The following PLA2G6 variants were observed in gnomAD, a reference collection of about 807,000 sequenced individuals.
PLA2G6 encodes the protein 85/88 kDa calcium-independent phospholipase A2.
Under a neutral mutation model 83.8 loss-of-function variants are expected in PLA2G6, and 62 were observed. That is an observed-to-expected ratio of 0.74 (90% CI 0.60 to 0.91). PLA2G6 has a LOEUF of 0.91. Among genes scored for constraint, PLA2G6 ranks in the 40% least tolerant of loss-of-function variants. PLA2G6 has a pLI of 0.00. For synonymous variants in PLA2G6, 417 were observed against 449.8 expected (o/e 0.93, Z 0.92); for missense variants, 944 against 1,102.0 (o/e 0.86, Z 2.03).
At chr22:38,112,359 G>A in intron 16 of PLA2G6, 54 bp from the exon 17 acceptor site, 1 of 1,597,166 alleles carries the variant, frequency 6.3e-7, no homozygotes, top group Non-Finnish European at 8.5e-7. Flanking sequence ...CTGGGCAGGG[G>A]ACGCCAGCTA....
At chr22:38,112,655 C>T (rs1307490082) in intron 15 of PLA2G6, 78 bp from the exon 16 acceptor site, 6 of 1,238,732 alleles carry the variant, frequency 4.8e-6, no homozygotes, top group Non-Finnish European at 6.9e-6. Context: ...GCCCTGCACT[C>T]TCGGAGCCCC....
intron 1 of PLA2G6, among the ~76,000 whole-genome samples, chr22:38,175,040 C>A (rs2090581842): frequency 6.6e-6 from 1 of 152,188 alleles, no homozygotes; most frequent in Non-Finnish European, 1.5e-5. Flanking sequence ...GGACCCTGGG[C>A]AGGTCTCAGG....
intron 1 of PLA2G6, among the ~76,000 whole-genome samples, chr22:38,171,636 T>C (rs944131250): frequency 3.3e-5 from 5 of 151,974 alleles, no homozygotes; most frequent in East Asian, 1.9e-4. Context: ...CTGACCAACA[T>C]GGTGAAACTC....
At chr22:38,120,971 C>A in intron 11 of PLA2G6, 62 bp from the exon 12 acceptor site, 1 of 1,593,056 alleles carries the variant, frequency 6.3e-7, no homozygotes, top group Admixed American at 1.7e-5. Flanking sequence ...TCCCGTAGAA[C>A]AGCCTGCAGA....
chr22:38,134,697 A>G (rs1050526403), intron 6 of PLA2G6: 1 of 454,460 alleles, frequency 2.2e-6, no homozygotes, highest in Non-Finnish European at 4.0e-6. Flanking sequence ...GCACTTTACA[A>G]TTTGTGCCGA....
chr22:38,168,457 G>GC (rs1449695257), intron 2 of PLA2G6, among the ~76,000 whole-genome samples: 1 of 152,220 alleles, frequency 6.6e-6, no homozygotes, highest in Non-Finnish European at 1.5e-5. Context: ...TTCTCTTCAG[G>GC]CCCAGGGGAG....
rs777259654 is a variant in PLA2G6, at chr22:38,120,835, C to T, written c.1666G>A (p.Glu556Lys). ...DEVFRGSRPY[E>K]SGPLEEFLKR... ...AGGAACTCCTCCAGGGGCCCCGACTCGTAGGGCCTGGAGCCCCGGAACACC... is the reference window on the plus strand; with the variant it reads ...AGGAACTCCTCCAGGGGCCCCGACTTGTAGGGCCTGGAGCCCCGGAACACC... Residue 556 changes from glutamate (E) to lysine (K), a missense_variant, in exon 12 of 17, where the codon GAG becomes AAG. Glu to Lys is a moderately conservative substitution (Grantham distance 56). Transcript: ENST00000332509. 1.9e-6 allele frequency: 3 copies of T among 1,613,932 alleles called. No individual in the cohort carries two copies. Among genetic ancestry groups the T allele is most frequent in the Non-Finnish European group, 2.5e-6 (3 of 1,180,020 alleles).
At chr22:38,157,303 G>A (rs2089823228) in intron 2 of PLA2G6, among the ~76,000 whole-genome samples, 1 of 151,974 alleles carries the variant, frequency 6.6e-6, no homozygotes, top group African/African-American at 2.4e-5. Context: ...GAAACTCAAA[G>A]GATTATTAGA....
In PLA2G6 at chr22:38,115,554, A is replaced by G; in HGVS notation, c.2007T>C (p.His669=). The G allele has an allele frequency of 6.2e-7, 1 of 1,613,558 alleles. No homozygotes were observed. Among genetic ancestry groups the G allele is most frequent in the Non-Finnish European group, 8.5e-7 (1 of 1,179,922 alleles). Reference sequence around the variant, plus strand: ...TGCGGATCAGGTCCTGATTGTACTCATGGATCTCGGTCATGGCATCCAGCG... The same window carrying G: ...TGCGGATCAGGTCCTGATTGTACTCGTGGATCTCGGTCATGGCATCCAGCG... ...NPTLDAMTEI[H]EYNQDLIRKG... Residue 669 remains histidine (H), a synonymous_variant, in exon 14 of 17, where the codon CAT becomes CAC. Transcript: ENST00000332509.
At position 38,126,554 on chromosome 22, in the gene PLA2G6, G is replaced by C. The variant is rs547460766; in HGVS notation, c.1349-105C>G. On this transcript the variant is annotated intron_variant, in intron 9 of 16. Coordinates refer to ENST00000332509, the MANE Select transcript of PLA2G6 (RefSeq NM_003560.4). The stretch of plus-strand genomic sequence containing the variant: ...TGGGCTGTGCCTCGCCCACGGCCAC[G>C]CCCTCATCCCCCCACTCCCCCTGTC... 12 of 791,140 alleles carry C rather than the reference G, an allele frequency of 1.5e-5. No homozygotes were observed. The South Asian group carries it at 1.7e-4, about 11-fold the overall frequency. 49.0% of individuals were successfully genotyped at this position (791,140 alleles called of 1,614,324 possible).
At chr22:38,120,675 C>T in intron 12 of PLA2G6, 84 bp downstream of exon 12, 1 of 1,523,736 alleles carries the variant, frequency 6.6e-7, no homozygotes, top group Non-Finnish European at 9.0e-7. Context: ...CCCCCTCCCT[C>T]AGCAGGACAG....
chr22:38,118,835 C>A (rs994674150), intron 12 of PLA2G6, among the ~76,000 whole-genome samples: 1 of 151,532 alleles, frequency 6.6e-6, no homozygotes, highest in African/African-American at 2.4e-5. Context: ...CCCACTGTAG[C>A]CTCAGCCTCC....
chr22:38,121,168 A>G (rs560118895), intron 11 of PLA2G6: 303 of 424,904 alleles, frequency 7.1e-4, no homozygotes, highest in Non-Finnish European at 1.1e-3. Context: ...ACTTGAGGTC[A>G]GGAGTTTGAG....
intron 2 of PLA2G6, chr22:38,148,599 G>GAC: frequency 1.4e-6 from 1 of 715,590 alleles, no homozygotes; most frequent in Non-Finnish European, 2.6e-6. Context: ...TGGGGCTCAG[G>GAC]ACACAGGGAC....
intron 7 of PLA2G6, chr22:38,131,509 T>C (rs1005677724): frequency 6.6e-6 from 1 of 152,166 alleles, no homozygotes; most frequent in African/African-American, 2.4e-5. Flanking sequence ...TCCTCAATAA[T>C]TTTTCAGAGT....
intron 1 of PLA2G6, among the ~76,000 whole-genome samples, chr22:38,171,540 C>T (rs1465398283): frequency 1.3e-5 from 2 of 151,862 alleles, no homozygotes; most frequent in Non-Finnish European, 2.9e-5. Flanking sequence ...TTATAGAGGC[C>T]AGGCATGGTG....
rs1005529 is a variant in PLA2G6, at chr22:38,145,259, T to C, written c.425+179A>G. 292,551 of 671,390 alleles carry C rather than the reference T, an allele frequency of 0.44. 64,969 individuals are homozygous for C. The highest frequency in any genetic ancestry group is 0.54 in the African/African-American group (30,308 of 56,302). 41.6% of individuals were successfully genotyped at this position (671,390 alleles called of 1,614,324 possible). ...TGCCAGGCTGGTCTTGAACTCCTAG[T>C]CTCAAGTGATCCTCCCTCCTCAGCC... On this transcript the variant is annotated intron_variant, in intron 3 of 16. Coordinates refer to ENST00000332509, the MANE Select transcript of PLA2G6 (RefSeq NM_003560.4).
Position 38,123,018 on chromosome 22 carries a change from G to A in PLA2G6, c.1591+77C>T. On this transcript the variant is annotated intron_variant, in intron 11 of 16. Transcript: ENST00000332509. This position sits in a 1 kb window ranked among gnomAD's most constrained non-coding sequence, Gnocchi z 4.1. ...TACTCCTCCACTCTCTTTTTGCAAA[G>A]CCCTGAAGACAAACTCGGCCCCTTG... 1 of 1,387,350 alleles carries A rather than the reference G, an allele frequency of 7.2e-7. No homozygotes were observed. The highest frequency in any genetic ancestry group is 9.9e-7 in the Non-Finnish European group (1 of 1,010,840). 85.9% of individuals were successfully genotyped at this position (1,387,350 alleles called of 1,614,324 possible). A position where few individuals can be genotyped will look rare whatever the true frequency, so the allele number is the denominator to read the frequency against.
rs370528124 is a variant in PLA2G6 at position 38,112,311 on chromosome 22, C to T, written c.2277-6G>A. 2.3e-4 allele frequency: 363 copies of T among 1,612,920 alleles called. 1 individual carries two copies. The highest frequency in any genetic ancestry group is 3.3e-4 in the Middle Eastern group (2 of 6,070). ...TCCCCAGCTGGGGGTTCAATCTGTT[C>T]GGGCCAGGGAGGAGGGGGTCACCCT... On this transcript the variant is annotated splice_region_variant and splice_polypyrimidine_tract_variant and intron_variant, in intron 16 of 16. Transcript: ENST00000332509.
Sources: gnomAD v4.1 joint callset for allele counts (sites outside exome capture counted in the v4.1 genomes callset) on GRCh38, gnomAD v4.1.1 for gene constraint, Gnocchi (gnomAD v3.1) non-coding constraint, MANE v1.5 for transcripts, NCBI Gene and HGNC (gene_info 2026-07-23, HGNC 2026-07-21) for gene names.